The following NRXN3 variants were observed in gnomAD, a reference collection of about 807,000 sequenced individuals.
The protein encoded by NRXN3 is neurexin III.
Under a neutral mutation model 137.6 loss-of-function variants are expected in NRXN3, and 32 were observed. The ratio of observed to expected loss-of-function variants is 0.23; its 90% CI spans 0.18 to 0.31. The LOEUF (loss-of-function observed/expected upper bound fraction) is 0.31, where lower values mean the gene tolerates loss of function less well. Among genes scored for constraint, NRXN3 ranks in the 10% least tolerant of loss-of-function variants. NRXN3 has a pLI of 1.00. For missense variants in NRXN3, 1,574 were observed against 2,062.5 expected, an observed-to-expected ratio of 0.76 and a Z score of 4.59; for synonymous variants, 798 against 784.5, an observed-to-expected ratio of 1.02 and a Z score of -0.29.
At chr14:79,268,131 A>C (rs1192948507) in intron 15 of NRXN3, among the ~76,000 whole-genome samples, 1 of 152,236 alleles carries the variant, frequency 6.6e-6, no homozygotes, top group Non-Finnish European at 1.5e-5. Flanking sequence ...TTGAAGAAAC[A>C]AAAACATTTA....
chr14:78,529,105 G>A (rs1009937807), intron 4 of NRXN3, among the ~76,000 whole-genome samples: 43 of 152,258 alleles, frequency 2.8e-4, no homozygotes, highest in African/African-American at 9.9e-4. Context: ...AGAGACAAAC[G>A]TCAGGAGATT....
intron 16 of NRXN3, among the ~76,000 whole-genome samples, chr14:79,502,777 C>G (rs1265704073): frequency 6.6e-6 from 1 of 151,988 alleles, no homozygotes; most frequent in Non-Finnish European, 1.5e-5. Flanking sequence ...GTTCTCAGAC[C>G]TTTTCTGCAC....
chr14:78,749,679 C>T (rs766831326), intron 8 of NRXN3, among the ~76,000 whole-genome samples: 1 of 152,188 alleles, frequency 6.6e-6, no homozygotes, highest in African/African-American at 2.4e-5. Context: ...AGAGAAATGG[C>T]TTCAGAGAGG....
intron 10 of NRXN3, among the ~76,000 whole-genome samples, chr14:78,921,312 C>G (rs2099270448): frequency 6.6e-6 from 1 of 152,182 alleles, no homozygotes; most frequent in Non-Finnish European, 1.5e-5. Context: ...AGACACAGTC[C>G]TTGTCCTCAT....
intron 17 of NRXN3, among the ~76,000 whole-genome samples, chr14:79,677,081 T>C (rs1451851444): frequency 3.3e-5 from 5 of 152,126 alleles, no homozygotes; most frequent in Non-Finnish European, 7.4e-5. Flanking sequence ...TAAATACTTT[T>C]ATAACAAAAG....
intron 19 of NRXN3, among the ~76,000 whole-genome samples, chr14:79,704,086 C>T (rs547380514): frequency 6.6e-6 from 1 of 152,244 alleles, no homozygotes; most frequent in South Asian, 2.1e-4. Context: ...GAGATTGCTA[C>T]GGCAGGCTCT....
chr14:79,355,943 A>G (rs1366715716), intron 15 of NRXN3, among the ~76,000 whole-genome samples: 1 of 152,132 alleles, frequency 6.6e-6, no homozygotes. Flanking sequence ...TTTATATATG[A>G]TATAATTTAT....
intron 4 of NRXN3, among the ~76,000 whole-genome samples, chr14:78,396,265 T>C (rs2091445876): frequency 1.3e-5 from 2 of 152,110 alleles, no homozygotes; most frequent in South Asian, 2.1e-4. Context: ...ATCCTCCCTT[T>C]ATGACTCTTT....
rs113700736 is a variant in NRXN3 at position 78,522,830 on chromosome 14, A to G, written c.758-122290A>G. ...TAGAATGCAAGGCTAGACTACTAGC[A>G]GGCATCCTTCTCATTAATTAGCGAG... On this transcript the variant is annotated intron_variant, in intron 4 of 20. Transcript: ENST00000335750. Among the ~76,000 whole-genome samples the G allele has an allele frequency of 1.3e-3, 195 of 152,338 alleles. 1 individual carries two copies. The highest frequency in any genetic ancestry group is 4.5e-3 in the African/African-American group (189 of 41,568).
At chr14:78,487,828 G>A (rs1251587252) in intron 4 of NRXN3, among the ~76,000 whole-genome samples, 9 of 151,680 alleles carry the variant, frequency 5.9e-5, no homozygotes, top group Non-Finnish European at 7.4e-5. Flanking sequence ...ATAAAGACTC[G>A]GTAGACATGG....
At chr14:78,872,489 A>G (rs1481913059) in intron 10 of NRXN3, among the ~76,000 whole-genome samples, 1 of 151,264 alleles carries the variant, frequency 6.6e-6, no homozygotes, top group Admixed American at 6.6e-5. Flanking sequence ...CTTTTCTCCT[A>G]TGTACCTTAG....
intron 4 of NRXN3, among the ~76,000 whole-genome samples, chr14:78,587,576 A>T (rs2097077868): frequency 1.3e-5 from 2 of 152,204 alleles, no homozygotes; most frequent in African/African-American, 4.8e-5. Flanking sequence ...CTTCTAAAAG[A>T]TTCCCATTTT....
At chr14:79,422,892 G>T (rs577333589) in intron 15 of NRXN3, among the ~76,000 whole-genome samples, 11 of 151,974 alleles carry the variant, frequency 7.2e-5, no homozygotes, top group African/African-American at 2.4e-4. Flanking sequence ...TAGAGACGGG[G>T]TTTCACCATA....
chr14:79,607,240 A>G (rs1020918109), intron 16 of NRXN3, among the ~76,000 whole-genome samples: 8 of 152,238 alleles, frequency 5.3e-5, no homozygotes, highest in Non-Finnish European at 1.2e-4. Flanking sequence ...AATATCATTG[A>G]TATATAAAGC....
chr14:79,366,231 A>T (rs2093887978), intron 15 of NRXN3, among the ~76,000 whole-genome samples: 1 of 152,194 alleles, frequency 6.6e-6, no homozygotes, highest in African/African-American at 2.4e-5. Flanking sequence ...TGATATTGTG[A>T]TACAGGCATA....
intron 20 of NRXN3, among the ~76,000 whole-genome samples, chr14:79,848,834 T>G (rs1429249624): frequency 1.3e-5 from 2 of 152,170 alleles, no homozygotes; most frequent in African/African-American, 4.8e-5. Flanking sequence ...ATTTTCAGTT[T>G]AAGCCTCCCT....
intron 4 of NRXN3, among the ~76,000 whole-genome samples, chr14:78,567,965 T>C (rs2096852099): frequency 6.6e-6 from 1 of 152,168 alleles, no homozygotes; most frequent in Admixed American, 6.5e-5. Context: ...TTCATGATCT[T>C]ATTCTATCAG....
intron 16 of NRXN3, among the ~76,000 whole-genome samples, chr14:79,517,145 CTG>C (rs2096998586): frequency 6.8e-6 from 1 of 146,182 alleles, no homozygotes; most frequent in Non-Finnish European, 1.5e-5. Context: ...CCAATAGAGA[CTG>C]TGGTCACACT....
intron 1 of NRXN3, among the ~76,000 whole-genome samples, chr14:78,183,884 G>T (rs1009891999): frequency 6.6e-6 from 1 of 152,180 alleles, no homozygotes; most frequent in Non-Finnish European, 1.5e-5. Context: ...AGGTGGGGAA[G>T]CTTTCTCCAA....
Sources: gnomAD v4.1 joint callset for allele counts (sites outside exome capture counted in the v4.1 genomes callset) on GRCh38, gnomAD v4.1.1 for gene constraint, MANE v1.5 for transcripts, NCBI Gene and HGNC (gene_info 2026-07-23, HGNC 2026-07-21) for gene names.